Variants in FBXW2 observed in about 807,000 individuals in gnomAD.
FBXW2 encodes F-box and WD repeat domain containing 2.
In FBXW2, 12 loss-of-function variants were observed where a neutral mutation model predicts 46.0. That is an observed-to-expected ratio of 0.26 (90% CI 0.17 to 0.42). FBXW2 has a LOEUF of 0.42. Ranked by LOEUF, FBXW2 falls within the 10% of genes least tolerant of loss-of-function variation. The pLI is 1.00. For synonymous variants in FBXW2, 203 were observed against 209.6 expected, an observed-to-expected ratio of 0.97 and a Z score of 0.27; for missense variants, 360 against 537.0, an observed-to-expected ratio of 0.67 and a Z score of 3.26.
rs2044491980 is a variant in FBXW2 at position 120,776,180 on chromosome 9, G to A, written c.732C>T (p.Gly244=). The change falls in exon 5 of 8, where the codon GGC becomes GGT. Residue 244 remains glycine, a synonymous_variant. Coordinates refer to ENST00000608872, the MANE Select transcript of FBXW2 (RefSeq NM_012164.4). ...YNDELDILVS[G]SADFTVKVWA... ...ATACTTTCACAGTGAAGTCTGCAGA[G>A]CCGCTCACCAAGATATCCAGTTCAT... 3 of 1,614,062 alleles carry A rather than the reference G, an allele frequency of 1.9e-6. No homozygotes were observed. In the East Asian group the frequency reaches 6.7e-5, roughly 36 times the overall value.
At position 120,776,233 on chromosome 9, in the gene FBXW2, C is replaced by G; in HGVS notation, c.686-7G>C. ...TTGTAGTCCACGCTAAATACTAGTG[C>G]ATATAATTACACAAAGTTAAAACAT... is the stretch of plus-strand genomic sequence containing the variant. On this transcript the variant is annotated splice_region_variant and splice_polypyrimidine_tract_variant and intron_variant, in intron 4 of 7. Coordinates refer to ENST00000608872, the MANE Select transcript of FBXW2 (RefSeq NM_012164.4). The G allele has an allele frequency of 6.2e-7, 1 of 1,612,198 alleles. No individual in the cohort carries two copies. Among genetic ancestry groups the G allele is most frequent in the Non-Finnish European group, 8.5e-7 (1 of 1,179,370 alleles).
intron 2 of FBXW2, 191 bp downstream of exon 2, chr9:120,792,958 T>C: frequency 6.5e-7 from 1 of 1,533,714 alleles, no homozygotes; most frequent in Non-Finnish European, 8.7e-7. Flanking sequence ...CTCATCACAC[T>C]TCATCGTCTT....
chr9:120,785,301 C>T (rs1456216943), intron 3 of FBXW2, among the ~76,000 whole-genome samples: 1 of 152,136 alleles, frequency 6.6e-6, no homozygotes, highest in South Asian at 2.1e-4. Context: ...TGAGCCCCCT[C>T]ATTTGGTCAA....
chr9:120,771,972 T>C (rs140657483), intron 6 of FBXW2, among the ~76,000 whole-genome samples: 6 of 144,216 alleles, frequency 4.2e-5, no homozygotes, highest in African/African-American at 1.6e-4. Context: ...AGCACGAGCA[T>C]CACTTGAACC....
intron 7 of FBXW2, among the ~76,000 whole-genome samples, chr9:120,769,687 T>C (rs1279006545): frequency 6.6e-6 from 1 of 152,200 alleles, no homozygotes; most frequent in Non-Finnish European, 1.5e-5. Flanking sequence ...TATTTTCCCC[T>C]GTTTTTGGTG....
At chr9:120,782,133 T>C (rs1328726902) in intron 3 of FBXW2, among the ~76,000 whole-genome samples, 3 of 151,814 alleles carry the variant, frequency 2.0e-5, no homozygotes, top group East Asian at 3.9e-4. Flanking sequence ...TACTGTATGA[T>C]TCCACTTATA....
intron 3 of FBXW2, among the ~76,000 whole-genome samples, chr9:120,783,474 C>G (rs529878949): frequency 4.6e-5 from 7 of 152,302 alleles, no homozygotes; most frequent in Non-Finnish European, 1.0e-4. Flanking sequence ...TAAAAAAAAT[C>G]AGACTATTGC....
At position 120,793,350 on chromosome 9, in the gene FBXW2, A is replaced by G. The variant is rs2044897178; in HGVS notation, c.-130+4T>C. 7.3e-6 allele frequency: 3 copies of G among 412,746 alleles called. No homozygotes were observed. The highest frequency in any genetic ancestry group is 1.3e-5 in the Non-Finnish European group (3 of 234,438). The allele number at this position is 412,746 out of a possible 1,614,324, so 25.6% of individuals were successfully genotyped here. The stretch of plus-strand genomic sequence containing the variant: ...CCCCGACCGGCCCCGCCTCGCATAC[A>G]GACCCGGACCTGCGGCCGCTGCTCC... On this transcript the variant is annotated splice_donor_region_variant and intron_variant, in intron 1 of 7. Transcript: ENST00000608872.
intron 7 of FBXW2, among the ~76,000 whole-genome samples, chr9:120,765,853 A>C (rs2044267224): frequency 6.6e-6 from 1 of 152,182 alleles, no homozygotes; most frequent in African/African-American, 2.4e-5. Flanking sequence ...AGTTGGGAGG[A>C]CAGCCCTAAC....
chr9:120,778,241 G>A, intron 4 of FBXW2, 110 bp downstream of exon 4: 1 of 906,850 alleles, frequency 1.1e-6, no homozygotes, highest in East Asian at 2.6e-5. Context: ...TAAGAAAGAG[G>A]GTTGAAAAAA....
At position 120,759,936 on chromosome 9, in the gene FBXW2, T is replaced by C. The variant is rs2044171884; in HGVS notation, c.*4623A>G. On this transcript the variant is annotated 3_prime_UTR_variant, in exon 8 of 8. Coordinates refer to ENST00000608872, the MANE Select transcript of FBXW2 (RefSeq NM_012164.4). ...TGGGAATGGTGCAAAGACTACTCAG[T>C]AATCCATTTGAGGATTTATTCTGAA... is the stretch of plus-strand genomic sequence containing the variant. 6.6e-6 allele frequency: 1 copy of C among 152,252 alleles called. No homozygotes were observed. Among genetic ancestry groups the C allele is most frequent in the Admixed American group, 6.5e-5 (1 of 15,286 alleles). 9.4% of individuals were successfully genotyped at this position (152,252 alleles called of 1,614,324 possible). A position where few individuals can be genotyped will look rare whatever the true frequency, so the allele number is the denominator to read the frequency against.
At chr9:120,771,706 C>T (rs1013002331) in intron 6 of FBXW2, among the ~76,000 whole-genome samples, 189 bp from the exon 7 acceptor site, 1 of 152,178 alleles carries the variant, frequency 6.6e-6, no homozygotes, top group Non-Finnish European at 1.5e-5. Context: ...ATTATTTAAT[C>T]TCTCTTAACT....
In FBXW2 at chr9:120,771,466, C is replaced by A; in HGVS notation, c.958G>T (p.Val320Phe). The A allele has an allele frequency of 6.2e-7, 1 of 1,614,088 alleles. No individual in the cohort carries two copies. The highest frequency in any genetic ancestry group is 8.5e-7 in the Non-Finnish European group (1 of 1,180,004). The change falls in exon 7 of 8, where the codon GTC (valine) becomes TTC (phenylalanine). Residue 320 changes from valine to phenylalanine, a missense_variant. Transcript: ENST00000608872. ...INCKCLKTLS[V>F]SEDRSICLQP... ...AGGCAGATACTTCTATCCTCAGAGACAGACAATGTCTTTAAGCACTTACAG... is the reference window on the plus strand; with the variant it reads ...AGGCAGATACTTCTATCCTCAGAGAAAGACAATGTCTTTAAGCACTTACAG...
At chr9:120,787,424 T>C (rs1033935086) in intron 3 of FBXW2, among the ~76,000 whole-genome samples, 3 of 152,218 alleles carry the variant, frequency 2.0e-5, no homozygotes, top group Non-Finnish European at 4.4e-5. Flanking sequence ...TTCCACTGTT[T>C]TTTTCCTCAA....
rs1025766575 is a variant in FBXW2 at position 120,763,875 on chromosome 9, G to T, written c.*684C>A. 6.6e-6 allele frequency: 1 copy of T among 152,216 alleles called. No individual in the cohort carries two copies. Among genetic ancestry groups the T allele is most frequent in the African/African-American group, 2.4e-5 (1 of 41,436 alleles). 9.4% of individuals were successfully genotyped at this position (152,216 alleles called of 1,614,324 possible). A position where few individuals can be genotyped will look rare whatever the true frequency, so the allele number is the denominator to read the frequency against. ...GCTGTGCAGTCATCCAGGCTGCCGG[G>T]GACTAGCTTCCCCGACATGGCAACA... On this transcript the variant is annotated 3_prime_UTR_variant, in exon 8 of 8. Coordinates refer to ENST00000608872, the MANE Select transcript of FBXW2 (RefSeq NM_012164.4).
intron 7 of FBXW2, among the ~76,000 whole-genome samples, chr9:120,769,630 T>C (rs1033193087): frequency 6.6e-6 from 1 of 152,252 alleles, no homozygotes; most frequent in African/African-American, 2.4e-5. Flanking sequence ...CCCATGGTGA[T>C]TACTTGAATA....
intron 7 of FBXW2, among the ~76,000 whole-genome samples, chr9:120,765,314 C>T (rs1241819085): frequency 6.6e-6 from 1 of 152,072 alleles, no homozygotes; most frequent in South Asian, 2.1e-4. Flanking sequence ...AGGCTGGTCT[C>T]GAACTACTGA....
chr9:120,781,980 G>A (rs920732507), intron 3 of FBXW2, among the ~76,000 whole-genome samples: 1 of 147,428 alleles, frequency 6.8e-6, no homozygotes, highest in Non-Finnish European at 1.5e-5. Flanking sequence ...CCAAGATGGC[G>A]CCACTGCACT....
chr9:120,774,245 G>A (rs1223956965), intron 5 of FBXW2, among the ~76,000 whole-genome samples: 1 of 151,538 alleles, frequency 6.6e-6, no homozygotes, highest in South Asian at 2.1e-4. Flanking sequence ...GCTGAAGCAG[G>A]AGAATCACTT....
Sources: gnomAD v4.1 joint callset for allele counts (sites outside exome capture counted in the v4.1 genomes callset) on GRCh38, gnomAD v4.1.1 for gene constraint, MANE v1.5 for transcripts, NCBI Gene and HGNC (gene_info 2026-07-23, HGNC 2026-07-21) for gene names.